The following SEMA3A variants were observed in gnomAD, a reference collection of about 807,000 sequenced individuals.
The protein encoded by SEMA3A is semaphorin-3A.
A neutral mutation model predicts 97.9 loss-of-function variants in SEMA3A; 29 were observed. The ratio of observed to expected loss-of-function variants is 0.30; its 90% CI spans 0.22 to 0.40. SEMA3A has a LOEUF of 0.40. SEMA3A is among the 10% of genes least tolerant of loss of function. SEMA3A has a pLI of 1.00. For missense variants in SEMA3A, 763 were observed against 951.3 expected, an observed-to-expected ratio of 0.80 and a Z score of 2.60; for synonymous variants, 321 against 323.7, an observed-to-expected ratio of 0.99 and a Z score of 0.09.
At chr7:84,234,150 C>T (rs1799180940) in intron 3 of SEMA3A, among the ~76,000 whole-genome samples, 2 of 151,904 alleles carry the variant, frequency 1.3e-5, no homozygotes, top group Admixed American at 6.6e-5. Flanking sequence ...GCCATTATAT[C>T]ATTTGTTCTC....
At chr7:84,097,460 T>A (rs1254346808) in intron 4 of SEMA3A, among the ~76,000 whole-genome samples, 1 of 152,120 alleles carries the variant, frequency 6.6e-6, no homozygotes, top group Non-Finnish European at 1.5e-5. Context: ...TGGTTTAATG[T>A]CATTTCAGTG....
At chr7:84,438,096 T>C (rs1805182931) in intron 1 of SEMA3A, among the ~76,000 whole-genome samples, 1 of 152,016 alleles carries the variant, frequency 6.6e-6, no homozygotes. Context: ...CCTAAGACTT[T>C]AGACTAGGGG....
intron 1 of SEMA3A, among the ~76,000 whole-genome samples, chr7:84,429,059 C>A (rs1804899764): frequency 6.6e-6 from 1 of 151,958 alleles, no homozygotes. Context: ...CATGTTCCAA[C>A]ACAAAAGGAA....
intron 1 of SEMA3A, among the ~76,000 whole-genome samples, chr7:84,149,798 A>G (rs944204301): frequency 6.6e-6 from 1 of 152,246 alleles, no homozygotes; most frequent in Non-Finnish European, 1.5e-5. Flanking sequence ...TGGCCACAAC[A>G]TTCATTGAAA....
intron 4 of SEMA3A, among the ~76,000 whole-genome samples, chr7:84,091,385 T>C (rs867469634): frequency 5.7e-5 from 8 of 139,680 alleles, no homozygotes; most frequent in African/African-American, 1.2e-4. Flanking sequence ...AGGAAGGAAA[T>C]TGTGTAGGTT....
At chr7:84,051,854 A>C (rs992519709) in intron 5 of SEMA3A, among the ~76,000 whole-genome samples, 5 of 151,320 alleles carry the variant, frequency 3.3e-5, no homozygotes, top group Admixed American at 6.6e-5. Flanking sequence ...GGTTTGTCAT[A>C]GATAGCTCTT....
At chr7:84,304,554 AT>A (rs1453954067) in intron 3 of SEMA3A, among the ~76,000 whole-genome samples, 1 of 152,094 alleles carries the variant, frequency 6.6e-6, no homozygotes, top group East Asian at 1.9e-4. Flanking sequence ...TCAAAATTCA[AT>A]TTATAAAGTA....
chr7:84,324,148 G>A (rs1373738493), intron 2 of SEMA3A, among the ~76,000 whole-genome samples: 1 of 152,152 alleles, frequency 6.6e-6, no homozygotes, highest in Non-Finnish European at 1.5e-5. Context: ...TTGGCACAAA[G>A]TCAAGGATTT....
At position 84,185,207 on chromosome 7, in the gene SEMA3A, A is replaced by G. The variant is rs79564134; in HGVS notation, c.112+9268T>C. On this transcript the variant is annotated intron_variant, in intron 1 of 16. Coordinates refer to ENST00000265362, the MANE Select transcript of SEMA3A (RefSeq NM_006080.3). ...TTTATGTATTTCTTTATCTATATAC[A>G]ATTCTTCAAAGTACAAGGAATTATA... 1.0e-3 allele frequency among the ~76,000 whole-genome samples: 158 copies of G among 152,330 alleles called. 2 individuals are homozygous for G. The East Asian group carries it at 0.026, about 25-fold the overall frequency.
intron 13 of SEMA3A, among the ~76,000 whole-genome samples, chr7:83,984,545 T>C (rs1789549777): frequency 6.6e-6 from 1 of 151,762 alleles, no homozygotes; most frequent in African/African-American, 2.4e-5. Context: ...CATTTTACAA[T>C]TTTGTATATA....
chr7:84,447,394 G>T (rs1265611311), intron 1 of SEMA3A, among the ~76,000 whole-genome samples: 1 of 152,262 alleles, frequency 6.6e-6, no homozygotes, highest in South Asian at 2.1e-4. Flanking sequence ...TTGGGGCCAG[G>T]CTGTCAGTTC....
intron 3 of SEMA3A, among the ~76,000 whole-genome samples, chr7:84,301,324 A>T (rs901549851): frequency 1.3e-5 from 2 of 152,016 alleles, no homozygotes; most frequent in Non-Finnish European, 2.9e-5. Context: ...TTCACAAAAC[A>T]CACACACACA....
chr7:84,406,547 T>C (rs942918402), intron 1 of SEMA3A, among the ~76,000 whole-genome samples: 11 of 152,154 alleles, frequency 7.2e-5, no homozygotes, highest in African/African-American at 2.7e-4. Context: ...TAACTCATTT[T>C]ATGAGGCCAA....
At chr7:84,182,804 T>C (rs1256076628) in intron 1 of SEMA3A, among the ~76,000 whole-genome samples, 2 of 152,166 alleles carry the variant, frequency 1.3e-5, no homozygotes, top group East Asian at 3.8e-4. Context: ...AGTTGTTTAC[T>C]TGAAACATTA....
intron 3 of SEMA3A, among the ~76,000 whole-genome samples, chr7:84,292,031 G>A (rs1304675880): frequency 6.6e-6 from 1 of 152,124 alleles, no homozygotes; most frequent in Non-Finnish European, 1.5e-5. Flanking sequence ...AACCCATGGA[G>A]CAGAAATTGC....
chr7:84,065,668 A>G (rs1793451863), intron 4 of SEMA3A, among the ~76,000 whole-genome samples: 1 of 152,106 alleles, frequency 6.6e-6, no homozygotes, highest in Admixed American at 6.5e-5. Context: ...TAGAAAATCT[A>G]GAAGCAATGG....
At chr7:84,278,638 T>C (rs141774994) in intron 3 of SEMA3A, among the ~76,000 whole-genome samples, 268 of 152,160 alleles carry the variant, frequency 1.8e-3, no homozygotes, top group African/African-American at 6.2e-3. Flanking sequence ...CTTACAATCA[T>C]GGTGGAGAGC....
chr7:84,326,747 C>T lies in SEMA3A; in HGVS notation c.-168-19455G>A, dbSNP rs115295486. The stretch of plus-strand genomic sequence containing the variant: ...AAAGACTCCCTATTCAATAATGGTG[C>T]TGGGATAGCTGACTAGCCATATGCA... On this transcript the variant is annotated intron_variant, in intron 2 of 3. Coordinates refer to the SEMA3A transcript ENST00000424555. Among the ~76,000 whole-genome samples the T allele has an allele frequency of 6.7e-3, 1,020 of 152,040 alleles. 16 individuals carry two copies. Among genetic ancestry groups the T allele is most frequent in the African/African-American group, 0.023 (948 of 41,510 alleles).
chr7:83,982,935 A>G (rs558088439), intron 13 of SEMA3A, among the ~76,000 whole-genome samples: 1 of 152,136 alleles, frequency 6.6e-6, no homozygotes, highest in African/African-American at 2.4e-5. Flanking sequence ...AGCAAAGTAA[A>G]TAAGGGGAAA....
Sources: allele counts gnomAD v4.1 joint callset (sites outside exome capture counted in the v4.1 genomes callset), GRCh38; gene constraint gnomAD v4.1.1; transcripts MANE v1.5; gene names NCBI Gene and HGNC (gene_info 2026-07-23, HGNC 2026-07-21).